The following AGAP1 variants were observed in gnomAD, a reference collection of about 807,000 sequenced individuals.
AGAP1 encodes ArfGAP with GTPase domain, ankyrin repeat and PH domain 1, also known as arf-GAP with GTPase, ANK repeat and PH domain-containing protein 1.
In AGAP1, 29 loss-of-function variants were observed where a neutral mutation model predicts 105.3. The ratio of observed to expected loss-of-function variants is 0.28; its 90% CI spans 0.21 to 0.38. AGAP1 has a LOEUF of 0.38. Among genes scored for constraint, AGAP1 ranks in the 10% least tolerant of loss-of-function variants. The pLI is 1.00. For synonymous variants in AGAP1, 509 were observed against 485.9 expected (o/e 1.05, Z -0.63); for missense variants, 998 against 1,165.1 (o/e 0.86, Z 2.09).
intron 16 of AGAP1, among the ~76,000 whole-genome samples, chr2:236,099,784 A>G (rs2125900697): frequency 6.6e-6 from 1 of 152,306 alleles, no homozygotes; most frequent in South Asian, 2.1e-4. Context: ...TCACACCTGT[A>G]AGCCCAGCAC....
At chr2:235,607,395 A>G (rs974244954) in intron 1 of AGAP1, among the ~76,000 whole-genome samples, 2 of 152,220 alleles carry the variant, frequency 1.3e-5, no homozygotes, top group Admixed American at 6.5e-5. Flanking sequence ...AAATCTAGCT[A>G]TTATACAGAA....
At chr2:235,511,448 C>A (rs534088632) in intron 1 of AGAP1, among the ~76,000 whole-genome samples, 1 of 152,056 alleles carries the variant, frequency 6.6e-6, no homozygotes, top group Admixed American at 6.5e-5. Flanking sequence ...CTCAAGTGTT[C>A]TAGGAAACCG....
chr2:236,035,480 G>A lies in AGAP1; in HGVS notation c.1646-1081G>A, dbSNP rs183061746. 6.6e-6 allele frequency among the ~76,000 whole-genome samples: 1 copy of A among 152,216 alleles called. No homozygotes were observed. Among genetic ancestry groups the A allele is most frequent in the East Asian group, 1.9e-4 (1 of 5,146 alleles). On this transcript the variant is annotated intron_variant, in intron 13 of 17. Coordinates refer to ENST00000304032, the MANE Select transcript of AGAP1 (RefSeq NM_001037131.3). The surrounding 1 kb of genome is among the most constrained non-coding windows in gnomAD (Gnocchi z 4.2). ...TCTCTACAAAAAATGTCTAACAATT[G>A]GCCAGGTGTGATGGTACACACCTGT...
intron 1 of AGAP1, among the ~76,000 whole-genome samples, chr2:235,613,057 G>T (rs1019119329): frequency 1.4e-5 from 2 of 147,208 alleles, no homozygotes; most frequent in Non-Finnish European, 3.0e-5. Flanking sequence ...TGGAGCTCAC[G>T]CTGTCGCCCA....
chr2:235,866,488 C>T lies in AGAP1; in HGVS notation c.1051-16857C>T, dbSNP rs2049176932. Among the ~76,000 whole-genome samples, 3 of 152,046 alleles carry T rather than the reference C, an allele frequency of 2.0e-5. No individual in the cohort carries two copies. The highest frequency in any genetic ancestry group is 2.1e-4 in the South Asian group (1 of 4,822). ...CAGTGTGACACCAGGGCCTGTGGGG[C>T]GTATTTGGTGAGACTGGTGAGGTCA... On this transcript the variant is annotated intron_variant, in intron 9 of 17. Transcript: ENST00000304032. The surrounding 1 kb of genome is among the most constrained non-coding windows in gnomAD (Gnocchi z 6.1).
rs1001914671 is a variant in AGAP1, at chr2:235,621,723, G to A, written c.164-87456G>A. 3.9e-5 allele frequency among the ~76,000 whole-genome samples: 6 copies of A among 152,262 alleles called. No homozygotes were observed. The highest frequency in any genetic ancestry group is 3.9e-4 in the Admixed American group (6 of 15,296). On this transcript the variant is annotated intron_variant, in intron 1 of 17. Transcript: ENST00000304032. The surrounding 1 kb of genome is among the most constrained non-coding windows in gnomAD (Gnocchi z 4.1). The stretch of plus-strand genomic sequence containing the variant: ...CTTGGAGTGCCTGCTCTCTGCCCTG[G>A]GTTTATGTCCTAAGGATTTGAAGAT...
In AGAP1 at chr2:236,058,031, C is replaced by T. The variant is rs1261143611; in HGVS notation, c.2114+8750C>T. 1.3e-5 allele frequency among the ~76,000 whole-genome samples: 2 copies of T among 152,120 alleles called. No individual in the cohort carries two copies. The highest frequency in any genetic ancestry group is 6.5e-5 in the Admixed American group (1 of 15,272). On this transcript the variant is annotated intron_variant, in intron 16 of 17. Coordinates refer to ENST00000304032, the MANE Select transcript of AGAP1 (RefSeq NM_001037131.3). The surrounding 1 kb of genome is among the most constrained non-coding windows in gnomAD (Gnocchi z 4.6). ...TTTGTATGTATATAATGGTTTATTGCAGCATCAGTATCACATGGAAAGGTA... is the reference window on the plus strand; with the variant it reads ...TTTGTATGTATATAATGGTTTATTGTAGCATCAGTATCACATGGAAAGGTA...
rs939595967 is a variant in AGAP1, at chr2:235,842,969, G to A, written c.1050+35638G>A. ...CTTGAACTCCTGACCTCAGGTGATCGGCCCGCCTCGGCCTCCCAAAGTGCT... is the reference window on the plus strand; with the variant it reads ...CTTGAACTCCTGACCTCAGGTGATCAGCCCGCCTCGGCCTCCCAAAGTGCT... On this transcript the variant is annotated intron_variant, in intron 9 of 17. Coordinates refer to ENST00000304032, the MANE Select transcript of AGAP1 (RefSeq NM_001037131.3). The surrounding 1 kb of genome is among the most constrained non-coding windows in gnomAD (Gnocchi z 5.3). 1.3e-5 allele frequency among the ~76,000 whole-genome samples: 2 copies of A among 152,114 alleles called. No individual in the cohort carries two copies. The highest frequency in any genetic ancestry group is 1.9e-4 in the East Asian group (1 of 5,190).
Position 236,000,112 on chromosome 2 carries a change from GAC to G in AGAP1, c.1645+31496_1645+31497del, listed in dbSNP as rs890775657. 1.3e-5 allele frequency among the ~76,000 whole-genome samples: 2 copies of G among 152,106 alleles called. No individual in the cohort carries two copies. The highest frequency in any genetic ancestry group is 2.9e-5 in the Non-Finnish European group (2 of 68,018). ...ATAACCGTGCAGCATCCATCGGGAG[GAC>G]ACACACCCCTGCAGGCCAGCTTTTG... On this transcript the variant is annotated intron_variant, in intron 13 of 17. Coordinates refer to ENST00000304032, the MANE Select transcript of AGAP1 (RefSeq NM_001037131.3). The surrounding 1 kb of genome is among the most constrained non-coding windows in gnomAD (Gnocchi z 4.3).
At chr2:235,604,485 A>AT (rs1371310095) in intron 1 of AGAP1, among the ~76,000 whole-genome samples, 4 of 97,288 alleles carry the variant, frequency 4.1e-5, no homozygotes, top group African/African-American at 1.0e-4. Flanking sequence ...CTGTATCAAA[A>AT]TAAAAAAAAA....
At position 235,700,966 on chromosome 2, in the gene AGAP1, G is replaced by A. The variant is rs1410102611; in HGVS notation, c.164-8213G>A. On this transcript the variant is annotated intron_variant, in intron 1 of 17. Transcript: ENST00000304032. This position sits in a 1 kb window ranked among gnomAD's most constrained non-coding sequence, Gnocchi z 6.1. Reference sequence around the variant, plus strand: ...TTGTAATATATATATTATGTATTATGTATATATTATATATGTATATATTAT... The same window carrying A: ...TTGTAATATATATATTATGTATTATATATATATTATATATGTATATATTAT... 7.0e-6 allele frequency among the ~76,000 whole-genome samples: 1 copy of A among 143,414 alleles called. No homozygotes were observed. The highest frequency in any genetic ancestry group is 1.5e-5 in the Non-Finnish European group (1 of 66,736). 94.1% of individuals were successfully genotyped at this position (143,414 alleles called of 152,430 possible).
chr2:235,629,914 G>A (rs1946772397), intron 1 of AGAP1, among the ~76,000 whole-genome samples: 1 of 151,154 alleles, frequency 6.6e-6, no homozygotes, highest in African/African-American at 2.4e-5. Flanking sequence ...TGATAATGTG[G>A]CATGAATAGA....
In AGAP1 at chr2:235,625,766, A is replaced by G. The variant is rs192478297; in HGVS notation, c.164-83413A>G. Among the ~76,000 whole-genome samples the G allele has an allele frequency of 5.3e-5, 8 of 152,318 alleles. No individual in the cohort carries two copies. The South Asian group carries it at 1.5e-3, about 28-fold the overall frequency. On this transcript the variant is annotated intron_variant, in intron 1 of 17. Coordinates refer to ENST00000304032, the MANE Select transcript of AGAP1 (RefSeq NM_001037131.3). This position sits in a 1 kb window ranked among gnomAD's most constrained non-coding sequence, Gnocchi z 4.0. ...TCAGCTAGTACTTTTCATTGTAATC[A>G]TGGCTCAGGTTTCTAAGAGAAAATT...
In AGAP1 at chr2:235,699,801, C is replaced by T. The variant is rs1950167556; in HGVS notation, c.164-9378C>T. On this transcript the variant is annotated intron_variant, in intron 1 of 17. Coordinates refer to ENST00000304032, the MANE Select transcript of AGAP1 (RefSeq NM_001037131.3). ...GTGTCTGCACTCTCTACCAAGCTGT[C>T]CAGGTTCAGGAATTAAAGATGGAAG... is the stretch of plus-strand genomic sequence containing the variant. Among the ~76,000 whole-genome samples, 7 of 152,164 alleles carry T rather than the reference C, an allele frequency of 4.6e-5. No individual in the cohort carries two copies. The South Asian group carries it at 1.2e-3, about 27-fold the overall frequency.
chr2:235,873,154 C>G (rs1291974607), intron 9 of AGAP1, among the ~76,000 whole-genome samples: 37 of 152,248 alleles, frequency 2.4e-4, no homozygotes, highest in Admixed American at 2.4e-3. Context: ...GTAGCAGATT[C>G]AGGGCTGAAT....
rs747394034 is a variant in AGAP1 at position 235,968,608 on chromosome 2, T to G, written c.1630T>G (p.Ser544Ala). The change falls in exon 13 of 18, where the codon TCC becomes GCC. Residue 544 changes from serine (S) to alanine (A), a missense_variant. Ser to Ala is a moderately conservative substitution (Grantham distance 99, BLOSUM62 1). Transcript: ENST00000304032. ...TAGCAACTTCAAAGCCGACGGCCTG[T>G]CCGGCACTGCTGAAGGTAAGGGTTC... is the stretch of plus-strand genomic sequence containing the variant. ...STSNFKADGLSGTAEEQEENF... is the reference protein window; with the variant it reads ...STSNFKADGLAGTAEEQEENF... 5.0e-6 allele frequency: 8 copies of G among 1,599,334 alleles called. No homozygotes were observed. The highest frequency in any genetic ancestry group is 6.8e-6 in the Non-Finnish European group (8 of 1,173,158).
At chr2:235,937,179 T>C (rs2053031788) in intron 12 of AGAP1, among the ~76,000 whole-genome samples, 1 of 152,254 alleles carries the variant, frequency 6.6e-6, no homozygotes. Flanking sequence ...GCCCCTGGGC[T>C]CTCATCTCTC....
intron 10 of AGAP1, among the ~76,000 whole-genome samples, chr2:235,890,586 C>T (rs984798606): frequency 2.0e-5 from 3 of 152,170 alleles, no homozygotes; most frequent in Non-Finnish European, 2.9e-5. Flanking sequence ...TGACAGTGGG[C>T]GGGGGCTGCC....
At chr2:235,985,597 TTTAA>T (rs2055279852) in intron 13 of AGAP1, among the ~76,000 whole-genome samples, 1 of 152,256 alleles carries the variant, frequency 6.6e-6, no homozygotes, top group South Asian at 2.1e-4. Context: ...CATTTAACTC[TTTAA>T]TTAATCTTGG....
Sources: gnomAD v4.1 joint callset for allele counts (sites outside exome capture counted in the v4.1 genomes callset) on GRCh38, gnomAD v4.1.1 for gene constraint, Gnocchi (gnomAD v3.1) non-coding constraint, MANE v1.5 for transcripts, NCBI Gene and HGNC (gene_info 2026-07-23, HGNC 2026-07-21) for gene names.